The following FAM110B variants were observed in gnomAD, a reference collection of about 807,000 sequenced individuals.
FAM110B encodes the protein protein FAM110B.
FAM110B carries 6 observed loss-of-function variants against 20.4 expected under a neutral mutation model. The ratio of observed to expected loss-of-function variants is 0.29; its 90% CI spans 0.16 to 0.58. FAM110B has a LOEUF of 0.58. Ranked by LOEUF, FAM110B falls within the 20% of genes least tolerant of loss-of-function variation. FAM110B has a pLI of 0.90. For synonymous variants in FAM110B, 226 were observed against 214.1 expected, an observed-to-expected ratio of 1.06 and a Z score of -0.49; for missense variants, 434 against 498.2, an observed-to-expected ratio of 0.87 and a Z score of 1.23.
At position 58,047,673 on chromosome 8, in the gene FAM110B, C is replaced by A. The variant is rs560544042; in HGVS notation, c.-414+15970C>A. On this transcript the variant is annotated intron_variant, in intron 2 of 3. Transcript: ENST00000519262. ...TCAAGTCACGGTCCTTAGTAAATAT[C>A]TGAAGAGGTACCTATTAAATAGGAA... Among the ~76,000 whole-genome samples the A allele has an allele frequency of 7.2e-4, 101 of 140,808 alleles. 1 individual carries two copies. Among genetic ancestry groups the A allele is most frequent in the African/African-American group, 2.4e-3 (94 of 38,572 alleles). 92.4% of individuals were successfully genotyped at this position (140,808 alleles called of 152,430 possible). A position where few individuals can be genotyped will look rare whatever the true frequency, so the allele number is the denominator to read the frequency against.
chr8:58,099,062 T>C (rs1452333483), intron 3 of FAM110B: 2 of 152,254 alleles, frequency 1.3e-5, no homozygotes, highest in African/African-American at 4.8e-5. Context: ...TCTTCCCTGT[T>C]GATAGGAGGT....
chr8:58,106,252 T>A (rs1005915510), intron 3 of FAM110B: 2 of 152,212 alleles, frequency 1.3e-5, no homozygotes, highest in Admixed American at 6.5e-5. Context: ...AAATAGCAGG[T>A]GCTCATCATG....
intron 3 of FAM110B, among the ~76,000 whole-genome samples, chr8:58,132,195 C>A (rs1021523184): frequency 2.0e-5 from 3 of 152,052 alleles, no homozygotes; most frequent in African/African-American, 7.2e-5. Flanking sequence ...AATGCCTCTC[C>A]TCAAAAAGTT....
rs1380760484 is a variant in FAM110B, at chr8:58,058,778, CTT to C, written c.-413-16755_-413-16754del. ...ATCAGTAATAAAACCTTTTTTAAAACTTTATAGTAATACCATATTTGTAATGT... is the reference window on the plus strand; with the variant it reads ...ATCAGTAATAAAACCTTTTTTAAAACTATAGTAATACCATATTTGTAATGT... On this transcript the variant is annotated intron_variant, in intron 2 of 3. Transcript: ENST00000519262. Among the ~76,000 whole-genome samples the C allele has an allele frequency of 5.9e-5, 9 of 152,044 alleles. No homozygotes were observed. In the East Asian group the frequency reaches 1.7e-3, roughly 29 times the overall value.
At chr8:58,100,203 A>G (rs1235958057) in intron 3 of FAM110B, among the ~76,000 whole-genome samples, 11 of 151,590 alleles carry the variant, frequency 7.3e-5, no homozygotes, top group Non-Finnish European at 1.5e-4. Context: ...AACTACTAAC[A>G]CTGAAATGGC....
intron 3 of FAM110B, among the ~76,000 whole-genome samples, chr8:58,083,797 C>T (rs866878365): frequency 3.9e-5 from 6 of 152,158 alleles, no homozygotes; most frequent in African/African-American, 1.4e-4. Context: ...GATTAAGAAC[C>T]TTTCCCACCT....
chr8:58,091,771 T>A (rs1282160629), intron 3 of FAM110B: 1 of 152,182 alleles, frequency 6.6e-6, no homozygotes, highest in African/African-American at 2.4e-5. Context: ...ATCTTGCTTC[T>A]CCCCTCCATG....
chr8:58,081,053 G>A (rs991899320), intron 3 of FAM110B, among the ~76,000 whole-genome samples: 1 of 152,128 alleles, frequency 6.6e-6, no homozygotes, highest in African/African-American at 2.4e-5. Flanking sequence ...GCCTGTTCAG[G>A]TGTTGAGCCC....
intron 3 of FAM110B, among the ~76,000 whole-genome samples, chr8:58,145,338 T>C (rs1803836720): frequency 6.6e-6 from 1 of 151,998 alleles, no homozygotes; most frequent in Admixed American, 6.6e-5. Context: ...TTTTAAACTT[T>C]GTAGCTTTGC....
intron 3 of FAM110B, among the ~76,000 whole-genome samples, chr8:58,080,524 A>G (rs945240865): frequency 1.3e-5 from 2 of 152,152 alleles, no homozygotes; most frequent in Non-Finnish European, 2.9e-5. Context: ...ATCATGTGCT[A>G]CCATCTCTAG....
intron 2 of FAM110B, among the ~76,000 whole-genome samples, chr8:58,049,155 A>G (rs534704465): frequency 3.0e-4 from 45 of 152,288 alleles, no homozygotes; most frequent in African/African-American, 1.0e-3. Flanking sequence ...GTTTGATTTC[A>G]GTCCTGAACT....
intron 3 of FAM110B, among the ~76,000 whole-genome samples, chr8:58,125,683 C>G (rs1807482080): frequency 6.6e-6 from 1 of 152,044 alleles, no homozygotes; most frequent in Non-Finnish European, 1.5e-5. Flanking sequence ...ATGTGAGAGC[C>G]CATTTCTCCA....
intron 2 of FAM110B, among the ~76,000 whole-genome samples, chr8:58,071,243 G>A (rs1336859956): frequency 1.3e-5 from 2 of 152,296 alleles, no homozygotes; most frequent in East Asian, 3.9e-4. Context: ...AATGCAGCAT[G>A]AGTTTTTCCT....
chr8:58,009,965 A>C (rs1019337499), intron 1 of FAM110B, among the ~76,000 whole-genome samples: 1 of 152,118 alleles, frequency 6.6e-6, no homozygotes, highest in Non-Finnish European at 1.5e-5. Context: ...GATCAGGTCG[A>C]AGGCATTTTA....
At chr8:58,118,517 G>C (rs1167273584) in intron 3 of FAM110B, among the ~76,000 whole-genome samples, 1 of 152,202 alleles carries the variant, frequency 6.6e-6, no homozygotes, top group Non-Finnish European at 1.5e-5. Context: ...ACTAGCTTAA[G>C]TAGAAGGCTT....
chr8:58,078,959 G>A (rs1806113580), intron 3 of FAM110B, among the ~76,000 whole-genome samples: 1 of 152,116 alleles, frequency 6.6e-6, no homozygotes, highest in Admixed American at 6.5e-5. Context: ...CACCAAAAAT[G>A]CTTGCTGGTT....
chr8:58,108,003 G>A lies in FAM110B; in HGVS notation c.-325+32380G>A, dbSNP rs142080537. On this transcript the variant is annotated intron_variant, in intron 3 of 3. Coordinates refer to ENST00000519262, the MANE Select transcript of FAM110B (RefSeq NM_001377989.1). ...CTTTCTAATTTTTTACTAATGTAACGTCCCAATCCATTGTGTAGCAGAGAA... is the reference window on the plus strand; with the variant it reads ...CTTTCTAATTTTTTACTAATGTAACATCCCAATCCATTGTGTAGCAGAGAA... Among the ~76,000 whole-genome samples the A allele has an allele frequency of 3.6e-3, 549 of 152,246 alleles. 3 individuals carry two copies. The highest frequency in any genetic ancestry group is 0.013 in the African/African-American group (529 of 41,544).
At chr8:58,109,538 T>C (rs1382569833) in intron 3 of FAM110B, among the ~76,000 whole-genome samples, 2 of 152,172 alleles carry the variant, frequency 1.3e-5, no homozygotes, top group East Asian at 3.9e-4. Context: ...TCTTTTTTTC[T>C]TTTGGTTACT....
At chr8:58,096,201 A>G (rs1317310830) in intron 3 of FAM110B, among the ~76,000 whole-genome samples, 1 of 151,902 alleles carries the variant, frequency 6.6e-6, no homozygotes, top group Admixed American at 6.6e-5. Context: ...TTTGAGACAG[A>G]GTTTTGCTCT....
Sources: allele counts gnomAD v4.1 joint callset (sites outside exome capture counted in the v4.1 genomes callset), GRCh38; gene constraint gnomAD v4.1.1; transcripts MANE v1.5; gene names NCBI Gene and HGNC (gene_info 2026-07-23, HGNC 2026-07-21).